KLF12: variants seen among roughly 807,000 people sequenced by gnomAD.
KLF12 encodes Krueppel-like factor 12.
KLF12 carries 9 observed loss-of-function variants against 37.8 expected under a neutral mutation model. The ratio of observed to expected loss-of-function variants is 0.24; its 90% confidence interval spans 0.14 to 0.42. KLF12 has a LOEUF of 0.42. Among genes scored for constraint, KLF12 ranks in the 10% least tolerant of loss-of-function variants. KLF12 has a pLI of 1.00. For missense variants in KLF12, 411 were observed against 516.0 expected (o/e 0.80, Z 1.97); for synonymous variants, 208 against 202.1 (o/e 1.03, Z -0.25).
the KLF12 span, among the ~76,000 whole-genome samples, chr13:74,164,760 T>G: frequency 6.6e-6 from 1 of 152,104 alleles, no homozygotes; most frequent in Non-Finnish European, 1.5e-5. Flanking sequence ...AATGGGATCA[T>G]CCAGTGGAAC....
intron 6 of KLF12, among the ~76,000 whole-genome samples, chr13:73,758,428 T>C (rs537417120): frequency 6.6e-6 from 1 of 152,240 alleles, no homozygotes. Flanking sequence ...TACAAAGTTG[T>C]TTGGAATTGT....
the KLF12 span, among the ~76,000 whole-genome samples, chr13:74,301,667 A>T: frequency 6.6e-5 from 10 of 152,188 alleles, no homozygotes; most frequent in Admixed American, 6.5e-4. Flanking sequence ...GCAGCTTTTC[A>T]GAGTATGCAG....
At chr13:74,144,073 C>T in the KLF12 span, among the ~76,000 whole-genome samples, 1 of 152,130 alleles carries the variant, frequency 6.6e-6, no homozygotes, top group African/African-American at 2.4e-5. Flanking sequence ...TTCCACAAGG[C>T]CAGATAATTT....
intron 3 of KLF12, among the ~76,000 whole-genome samples, chr13:73,905,928 T>C (rs1566450433): frequency 1.3e-5 from 2 of 152,196 alleles, no homozygotes; most frequent in African/African-American, 2.4e-5. Context: ...CATGCCTGTG[T>C]TGTAATCATA....
chr13:73,947,327 G>A (rs750098907), intron 2 of KLF12, among the ~76,000 whole-genome samples: 1 of 152,242 alleles, frequency 6.6e-6, no homozygotes, highest in South Asian at 2.1e-4. Flanking sequence ...GGGATGAGAA[G>A]GATAATCTTG....
At chr13:74,039,267 A>C (rs1437124555) in intron 1 of KLF12, among the ~76,000 whole-genome samples, 1 of 152,210 alleles carries the variant, frequency 6.6e-6, no homozygotes, top group Non-Finnish European at 1.5e-5. Flanking sequence ...AGCTGGGCAC[A>C]GTGGCTCTTA....
At position 73,715,352 on chromosome 13, in the gene KLF12, C is replaced by G. The variant is rs1875719967; in HGVS notation, c.1027+16G>C. 6.2e-7 allele frequency: 1 copy of G among 1,606,550 alleles called. No homozygotes were observed. On this transcript the variant is annotated intron_variant, in intron 7 of 7. Coordinates refer to ENST00000377669, the MANE Select transcript of KLF12 (RefSeq NM_007249.5). Reference sequence around the variant, plus strand: ...CTCTCACTGGCTCACAGGTGAGAAGCCCTGCAGAGCGGTACCTGTATGTGT... The same window carrying G: ...CTCTCACTGGCTCACAGGTGAGAAGGCCTGCAGAGCGGTACCTGTATGTGT...
the KLF12 span, among the ~76,000 whole-genome samples, chr13:74,277,685 C>T: frequency 6.6e-6 from 1 of 152,226 alleles, no homozygotes; most frequent in African/African-American, 2.4e-5. Context: ...TTCCCCTTTC[C>T]CTGGATGAAA....
intron 2 of KLF12, among the ~76,000 whole-genome samples, chr13:73,950,685 T>C (rs1023022203): frequency 3.9e-5 from 6 of 152,060 alleles, no homozygotes; most frequent in African/African-American, 1.4e-4. Flanking sequence ...AACCAATCCC[T>C]AGAGAAGGAG....
intron 3 of KLF12, among the ~76,000 whole-genome samples, chr13:73,937,064 C>A (rs1302952374): frequency 6.6e-6 from 1 of 152,132 alleles, no homozygotes; most frequent in African/African-American, 2.4e-5. Flanking sequence ...GTGGCATGTA[C>A]TTATAATCCC....
chr13:74,023,821 C>T (rs1012885395), intron 1 of KLF12, among the ~76,000 whole-genome samples: 14 of 152,156 alleles, frequency 9.2e-5, no homozygotes, highest in Non-Finnish European at 1.9e-4. Context: ...GGGCTGATAG[C>T]TACTATGGCC....
intron 1 of KLF12, among the ~76,000 whole-genome samples, chr13:74,026,121 AT>A (rs768695443): frequency 6.6e-6 from 1 of 151,520 alleles, no homozygotes; most frequent in Non-Finnish European, 1.5e-5. Flanking sequence ...TGGATTGCAA[AT>A]TCATTACATG....
the KLF12 span, among the ~76,000 whole-genome samples, chr13:74,179,096 G>C: frequency 6.6e-6 from 1 of 152,126 alleles, no homozygotes; most frequent in Non-Finnish European, 1.5e-5. Flanking sequence ...CTTTGTGCAT[G>C]GTCCAAATAT....
chr13:73,700,936 G>T (rs1020901212), intron 7 of KLF12, among the ~76,000 whole-genome samples: 3 of 152,122 alleles, frequency 2.0e-5, no homozygotes, highest in African/African-American at 7.2e-5. Flanking sequence ...ACTTCATGAT[G>T]AGAGTAAAAA....
intron 6 of KLF12, among the ~76,000 whole-genome samples, chr13:73,720,646 A>G (rs1283890636): frequency 6.6e-6 from 1 of 152,228 alleles, no homozygotes; most frequent in Non-Finnish European, 1.5e-5. Flanking sequence ...AAATGAGTGA[A>G]TCATGACTTT....
intron 3 of KLF12, among the ~76,000 whole-genome samples, chr13:73,868,847 G>A (rs1886328811): frequency 6.6e-6 from 1 of 152,046 alleles, no homozygotes; most frequent in South Asian, 2.1e-4. Context: ...AACAAAAAAA[G>A]AAGAAACACA....
the KLF12 span, among the ~76,000 whole-genome samples, chr13:74,176,313 C>T: frequency 6.6e-6 from 1 of 152,156 alleles, no homozygotes; most frequent in Non-Finnish European, 1.5e-5. Flanking sequence ...TCTGTGCTTC[C>T]CAACAGACAA....
the KLF12 span, among the ~76,000 whole-genome samples, chr13:74,167,339 T>C: frequency 6.6e-6 from 1 of 152,238 alleles, no homozygotes; most frequent in African/African-American, 2.4e-5. Flanking sequence ...GACAGAAGAA[T>C]AGCTGTTTAG....
At chr13:73,798,610 G>T (rs1882122611) in intron 5 of KLF12, among the ~76,000 whole-genome samples, 1 of 152,112 alleles carries the variant, frequency 6.6e-6, no homozygotes, top group African/African-American at 2.4e-5. Context: ...CAAAGGACAT[G>T]AACAGACACT....
Sources: gnomAD v4.1 joint callset for allele counts (sites outside exome capture counted in the v4.1 genomes callset) on GRCh38, gnomAD v4.1.1 for gene constraint, MANE v1.5 for transcripts, NCBI Gene and HGNC (gene_info 2026-07-23, HGNC 2026-07-21) for gene names.